Variants in TTBK2 observed in about 807,000 individuals in gnomAD.
TTBK2 encodes tau-tubulin kinase 2.
A neutral mutation model predicts 110.8 loss-of-function variants in TTBK2; 28 were observed. The ratio of observed to expected loss-of-function variants is 0.25; its 90% CI spans 0.19 to 0.35. The LOEUF is 0.35. TTBK2 is among the 10% of genes least tolerant of loss of function. The pLI is 1.00. For missense variants in TTBK2, 1,369 were observed against 1,500.3 expected, an observed-to-expected ratio of 0.91 and a Z score of 1.45; for synonymous variants, 532 against 527.3, an observed-to-expected ratio of 1.01 and a Z score of -0.12.
At position 42,886,492 on chromosome 15, in the gene TTBK2, C is replaced by T. The variant is rs1895252026; in HGVS notation, c.-67-7808G>A. Among the ~76,000 whole-genome samples, 6 of 152,298 alleles carry T rather than the reference C, an allele frequency of 3.9e-5. No individual in the cohort carries two copies. The South Asian group carries it at 1.2e-3, about 32-fold the overall frequency. On this transcript the variant is annotated intron_variant, in intron 1 of 14. Coordinates refer to ENST00000267890, the MANE Select transcript of TTBK2 (RefSeq NM_173500.4). The stretch of plus-strand genomic sequence containing the variant: ...CAGTTCATGGCCCGTTTGGCAGCAA[C>T]TCTTAGACGCTTTACCGCCCTAGAC...
At chr15:42,874,666 C>T (rs909913125) in intron 2 of TTBK2, among the ~76,000 whole-genome samples, 3 of 151,042 alleles carry the variant, frequency 2.0e-5, no homozygotes, top group Non-Finnish European at 3.0e-5. Flanking sequence ...CTACTTGAAA[C>T]TACAGGATGA....
At chr15:42,836,468 T>A (rs1474501653) in intron 4 of TTBK2, among the ~76,000 whole-genome samples, 1 of 152,104 alleles carries the variant, frequency 6.6e-6, no homozygotes, top group East Asian at 1.9e-4. Flanking sequence ...CCAAATCAAG[T>A]CAGCCACAAA....
chr15:42,791,874 G>A (rs1846099443), intron 10 of TTBK2, among the ~76,000 whole-genome samples: 1 of 151,798 alleles, frequency 6.6e-6, no homozygotes, highest in Admixed American at 6.6e-5. Context: ...GGGCGTGGTG[G>A]CTCGTGCCTG....
Position 42,838,170 on chromosome 15 carries a change from T to G in TTBK2, c.291+2190A>C, listed in dbSNP as rs989501013. Among the ~76,000 whole-genome samples, 4 of 152,140 alleles carry G rather than the reference T, an allele frequency of 2.6e-5. No homozygotes were observed. The East Asian group carries it at 7.7e-4, about 29-fold the overall frequency. The stretch of plus-strand genomic sequence containing the variant: ...TTGCAGTGAGCCGAGATCGCGCCAT[T>G]GCACTCAGCCTGGGTGATAGAGCGA... On this transcript the variant is annotated intron_variant, in intron 4 of 14. Coordinates refer to ENST00000267890, the MANE Select transcript of TTBK2 (RefSeq NM_173500.4).
Position 42,745,792 on chromosome 15 carries a change from C to G in TTBK2, c.*3G>C, listed in dbSNP as rs775543788. On this transcript the variant is annotated 3_prime_UTR_variant, in exon 15 of 15. Transcript: ENST00000267890. ...CACCTTTCAAAGAGATGCAGCCTGG[C>G]TCCTATCTGCTGAGTTTACTGGCTG... 1.9e-6 allele frequency: 3 copies of G among 1,613,958 alleles called. No homozygotes were observed. The East Asian group carries it at 6.7e-5, about 36-fold the overall frequency.
intron 1 of TTBK2, among the ~76,000 whole-genome samples, chr15:42,897,085 G>A (rs2141178930): frequency 6.6e-6 from 1 of 152,044 alleles, no homozygotes; most frequent in South Asian, 2.1e-4. Flanking sequence ...CGCCATGTTG[G>A]CCAGGCTAGT....
chr15:42,796,408 A>G (rs1246743657), intron 9 of TTBK2, among the ~76,000 whole-genome samples: 1 of 152,032 alleles, frequency 6.6e-6, no homozygotes, highest in Non-Finnish European at 1.5e-5. Flanking sequence ...CTCAAAAAAA[A>G]AGAGAGAGAG....
intron 6 of TTBK2, among the ~76,000 whole-genome samples, chr15:42,826,258 T>G (rs967064826): frequency 6.6e-6 from 1 of 152,070 alleles, no homozygotes; most frequent in Non-Finnish European, 1.5e-5. Context: ...TATATTTATT[T>G]TTTATTTTAG....
intron 1 of TTBK2, among the ~76,000 whole-genome samples, chr15:42,897,628 T>C (rs1266022141): frequency 6.6e-6 from 1 of 152,138 alleles, no homozygotes; most frequent in Non-Finnish European, 1.5e-5. Flanking sequence ...GGAAGGACAA[T>C]AGCAACATTC....
chr15:42,852,348 C>T (rs576330146), intron 3 of TTBK2, among the ~76,000 whole-genome samples: 2 of 152,274 alleles, frequency 1.3e-5, no homozygotes, highest in South Asian at 2.1e-4. Flanking sequence ...GGATTACAGG[C>T]GTGAGCCACT....
intron 13 of TTBK2, among the ~76,000 whole-genome samples, chr15:42,759,153 G>A (rs2061987798): frequency 6.6e-6 from 1 of 152,252 alleles, no homozygotes; most frequent in Non-Finnish European, 1.5e-5. Flanking sequence ...AGGATCAGCT[G>A]TGATTTGAGT....
chr15:42,805,229 A>G (rs1426316700), intron 9 of TTBK2, among the ~76,000 whole-genome samples: 1 of 152,220 alleles, frequency 6.6e-6, no homozygotes, highest in Non-Finnish European at 1.5e-5. Context: ...CTTTTATTAA[A>G]TGCCTATCAT....
intron 9 of TTBK2, among the ~76,000 whole-genome samples, chr15:42,795,270 T>C (rs1291246740): frequency 6.6e-6 from 1 of 152,138 alleles, no homozygotes; most frequent in Non-Finnish European, 1.5e-5. Context: ...TTTTTTTTTT[T>C]TGCAGGTTTA....
At chr15:42,778,019 C>CAAA (rs965237755) in intron 11 of TTBK2, among the ~76,000 whole-genome samples, 2 of 136,086 alleles carry the variant, frequency 1.5e-5, no homozygotes, top group African/African-American at 5.4e-5. Flanking sequence ...ATTAATTAGC[C>CAAA]AAAAAAAAAA....
intron 10 of TTBK2, among the ~76,000 whole-genome samples, chr15:42,790,867 T>G (rs11854668): frequency 0.17 from 26,006 of 151,718 alleles, 2,853 homozygotes; most frequent in Admixed American, 0.31. Flanking sequence ...GCCCAGCTAA[T>G]TTTTGTGTGT....
At chr15:42,870,659 G>A (rs1326559585) in intron 3 of TTBK2, among the ~76,000 whole-genome samples, 2 of 151,694 alleles carry the variant, frequency 1.3e-5, no homozygotes, top group Non-Finnish European at 2.9e-5. Flanking sequence ...TCAAGAGATC[G>A]AGACCATCCT....
At chr15:42,879,793 T>A (rs1352629699) in intron 1 of TTBK2, among the ~76,000 whole-genome samples, 1 of 152,056 alleles carries the variant, frequency 6.6e-6, no homozygotes, top group Non-Finnish European at 1.5e-5. Context: ...GCCCGGGAGT[T>A]TGAGACCAGC....
At chr15:42,881,176 A>C (rs1307246180) in intron 1 of TTBK2, among the ~76,000 whole-genome samples, 1 of 150,148 alleles carries the variant, frequency 6.7e-6, no homozygotes, top group Admixed American at 6.7e-5. Flanking sequence ...CCAGCTACTC[A>C]GGAGGCTGAG....
chr15:42,857,719 T>C (rs1379196891), intron 3 of TTBK2, among the ~76,000 whole-genome samples: 1 of 152,096 alleles, frequency 6.6e-6, no homozygotes. Context: ...CGTTCTTACA[T>C]AAAAACTTTC....
Sources: gnomAD v4.1 joint callset for allele counts (sites outside exome capture counted in the v4.1 genomes callset) on GRCh38, gnomAD v4.1.1 for gene constraint, MANE v1.5 for transcripts, NCBI Gene and HGNC (gene_info 2026-07-23, HGNC 2026-07-21) for gene names.